The following SLC2A9 variants were observed in gnomAD, a reference collection of about 807,000 sequenced individuals.
The protein encoded by SLC2A9 is solute carrier family 2, facilitated glucose transporter member 9.
A neutral mutation model predicts 50.6 loss-of-function variants in SLC2A9; 39 were observed. The observed-to-expected ratio is 0.77, with a 90% CI of 0.60 to 1.01. The LOEUF (loss-of-function observed/expected upper bound fraction) is 1.01. SLC2A9 is among the 50% of genes least tolerant of loss of function. The probability of loss-of-function intolerance (pLI) is 0.00; values close to 1 mark genes in which losing one functional copy is unlikely to be tolerated. For synonymous variants in SLC2A9, 324 were observed against 276.9 expected, an observed-to-expected ratio of 1.17 and a Z score of -1.69; for missense variants, 686 against 677.6, an observed-to-expected ratio of 1.01 and a Z score of -0.14.
intron 1 of SLC2A9, among the ~76,000 whole-genome samples, chr4:10,020,685 T>G (rs1022748899): frequency 6.6e-6 from 1 of 152,204 alleles, no homozygotes; most frequent in Non-Finnish European, 1.5e-5. Context: ...TGGGCTGTGC[T>G]GGGCATCGTT....
In SLC2A9 at chr4:9,928,771, G is replaced by A. The variant is rs141626416; in HGVS notation, c.815-8199C>T. 5.5e-4 allele frequency among the ~76,000 whole-genome samples: 83 copies of A among 151,966 alleles called. No individual in the cohort carries two copies. In the South Asian group the frequency reaches 7.3e-3, roughly 13 times the overall value. On this transcript the variant is annotated intron_variant, in intron 6 of 11. Transcript: ENST00000264784. The stretch of plus-strand genomic sequence containing the variant: ...ACAAACAAACAAACAAAAAACTCTC[G>A]GATCTGCACATTCAAAAAGAAAAAC...
At chr4:9,987,262 G>A (rs1756883267) in intron 3 of SLC2A9, among the ~76,000 whole-genome samples, 3 of 152,168 alleles carry the variant, frequency 2.0e-5, no homozygotes, top group Admixed American at 2.0e-4. Context: ...TGGGATTACA[G>A]GCATGCACCA....
intron 5 of SLC2A9, among the ~76,000 whole-genome samples, chr4:9,966,779 T>C (rs778266543): frequency 1.3e-5 from 2 of 152,304 alleles, no homozygotes; most frequent in Non-Finnish European, 2.9e-5. Context: ...AGCATTGCTT[T>C]AGTCTTTTTT....
intron 6 of SLC2A9, among the ~76,000 whole-genome samples, chr4:9,939,142 A>G (rs1747666887): frequency 6.6e-6 from 1 of 152,192 alleles, no homozygotes; most frequent in South Asian, 2.1e-4. Context: ...CTCTCTGATT[A>G]CCATGAGAAT....
intron 10 of SLC2A9, among the ~76,000 whole-genome samples, chr4:9,868,108 T>G (rs1291489368): frequency 6.6e-6 from 1 of 152,212 alleles, no homozygotes; most frequent in African/African-American, 2.4e-5. Flanking sequence ...TGACCCGGGA[T>G]AGTCCCATGC....
At position 9,835,019 on chromosome 4, in the gene SLC2A9, T is replaced by C. The variant is rs759847907; in HGVS notation, c.1292-11A>G. On this transcript the variant is annotated splice_polypyrimidine_tract_variant and intron_variant, in intron 10 of 11. Coordinates refer to ENST00000264784, the MANE Select transcript of SLC2A9 (RefSeq NM_020041.3). Reference sequence around the variant, plus strand: ...TGAACGGGATGCCACCTGCAGTGTGTGAGCCAGGACATGGAATTAATCACT... The same window carrying C: ...TGAACGGGATGCCACCTGCAGTGTGCGAGCCAGGACATGGAATTAATCACT... 2 of 1,612,924 alleles carry C rather than the reference T, an allele frequency of 1.2e-6. No individual in the cohort carries two copies. Among genetic ancestry groups the C allele is most frequent in the Non-Finnish European group, 1.7e-6 (2 of 1,179,906 alleles).
At chr4:9,913,499 T>A (rs1742275975) in intron 7 of SLC2A9, among the ~76,000 whole-genome samples, 1 of 152,194 alleles carries the variant, frequency 6.6e-6, no homozygotes, top group Non-Finnish European at 1.5e-5. Flanking sequence ...GCCCATTTAT[T>A]AAACACTGTG....
downstream of SLC2A9, among the ~76,000 whole-genome samples, chr4:9,794,199 A>T (rs1720309852): frequency 6.7e-6 from 1 of 148,938 alleles, no homozygotes; most frequent in Non-Finnish European, 1.5e-5. Context: ...CCCAGGCTGG[A>T]GTGCAATGGT....
At chr4:10,018,562 A>ATAGATAGATAGATAGAT (rs1244768180) in intron 2 of SLC2A9, among the ~76,000 whole-genome samples, 1 of 41,220 alleles carries the variant, frequency 2.4e-5, no homozygotes. Flanking sequence ...ATAGATAGAT[A>ATAGATAGATAGATAGAT]GATAGATAGA....
At chr4:9,973,629 C>A (rs1371337673) in intron 5 of SLC2A9, among the ~76,000 whole-genome samples, 1 of 144,734 alleles carries the variant, frequency 6.9e-6, no homozygotes, top group Non-Finnish European at 1.5e-5. Context: ...CCAAACACCG[C>A]ATGTTCTCAC....
At chr4:9,852,435 G>A (rs1730113430) in intron 10 of SLC2A9, among the ~76,000 whole-genome samples, 1 of 151,568 alleles carries the variant, frequency 6.6e-6, no homozygotes, top group Non-Finnish European at 1.5e-5. Flanking sequence ...TGTATTTTTA[G>A]TAGAGACGGG....
At chr4:9,802,871 G>A (rs1347847334) in intron 3 of SLC2A9, among the ~76,000 whole-genome samples, 3 of 152,172 alleles carry the variant, frequency 2.0e-5, no homozygotes, top group Non-Finnish European at 4.4e-5. Context: ...GCTGGGTAAA[G>A]AGTTTTCTAA....
chr4:9,860,204 A>G (rs1460412352), intron 10 of SLC2A9, among the ~76,000 whole-genome samples: 3 of 152,030 alleles, frequency 2.0e-5, no homozygotes, highest in African/African-American at 7.2e-5. Context: ...CTGCCTGAAA[A>G]ATGACTCAAC....
At chr4:10,002,264 T>C (rs1759971446) in intron 2 of SLC2A9, among the ~76,000 whole-genome samples, 1 of 152,246 alleles carries the variant, frequency 6.6e-6, no homozygotes, top group Admixed American at 6.5e-5. Flanking sequence ...AACAACTTTT[T>C]TGGCTTTAGT....
chr4:9,919,417 T>C (rs1743494074), intron 7 of SLC2A9, among the ~76,000 whole-genome samples: 1 of 152,172 alleles, frequency 6.6e-6, no homozygotes, highest in African/African-American at 2.4e-5. Context: ...TGGTTGTAGA[T>C]TTCTATGCTG....
rs568459967 is a variant in SLC2A9, at chr4:10,021,171, C to G, written c.150+109G>C. The G allele has an allele frequency of 2.4e-5, 28 of 1,172,908 alleles. No individual in the cohort carries two copies. The Admixed American group carries it at 4.5e-4, about 19-fold the overall frequency. 72.7% of individuals were successfully genotyped at this position (1,172,908 alleles called of 1,614,324 possible). On this transcript the variant is annotated intron_variant, in intron 1 of 11. Coordinates refer to ENST00000264784, the MANE Select transcript of SLC2A9 (RefSeq NM_020041.3). ...GCCTCCCTGCCTCAAAGCCCCAGAT[C>G]CCCCAGCTACACGCTGCCAGGCTGG...
intron 3 of SLC2A9, among the ~76,000 whole-genome samples, chr4:9,814,003 G>A (rs1315186365): frequency 6.6e-6 from 1 of 152,206 alleles, no homozygotes; most frequent in Non-Finnish European, 1.5e-5. Flanking sequence ...ATCCAGGCGT[G>A]GTGGCACATG....
chr4:9,873,777 C>T (rs904645483), intron 10 of SLC2A9, among the ~76,000 whole-genome samples: 2 of 152,306 alleles, frequency 1.3e-5, no homozygotes, highest in South Asian at 2.1e-4. Context: ...CTAACTCTTG[C>T]GAGCAATAAT....
downstream of SLC2A9, among the ~76,000 whole-genome samples, chr4:9,823,097 T>C (rs990837640): frequency 6.6e-6 from 1 of 152,098 alleles, no homozygotes; most frequent in African/African-American, 2.4e-5. Context: ...GTGGGAGAAA[T>C]AGGGTGGAGT....
Sources: gnomAD v4.1 joint callset for allele counts (sites outside exome capture counted in the v4.1 genomes callset) on GRCh38, gnomAD v4.1.1 for gene constraint, MANE v1.5 for transcripts, NCBI Gene and HGNC (gene_info 2026-07-23, HGNC 2026-07-21) for gene names.